COL5A1: variants seen among roughly 807,000 people sequenced by gnomAD.
The protein encoded by COL5A1 is collagen alpha-1(V) chain.
Under a neutral mutation model 263.7 loss-of-function variants are expected in COL5A1, and 16 were observed. The observed-to-expected ratio is 0.06, with a 90% CI of 0.04 to 0.09. The LOEUF (loss-of-function observed/expected upper bound fraction) is 0.09. Among genes scored for constraint, COL5A1 ranks in the 10% least tolerant of loss-of-function variants. The probability of loss-of-function intolerance (pLI) is 1.00; values close to 1 mark genes in which losing one functional copy is unlikely to be tolerated. For missense variants in COL5A1, 2,036 were observed against 2,540.5 expected (o/e 0.80, Z 4.27); for synonymous variants, 1,012 against 1,004.5 (o/e 1.01, Z -0.14).
In COL5A1 at chr9:134,825,863, G is replaced by A. The variant is rs368448060; in HGVS notation, c.5026G>A (p.Gly1676Arg). 32 of 1,610,672 alleles carry A rather than the reference G, an allele frequency of 2.0e-5. No homozygotes were observed. Among genetic ancestry groups the A allele is most frequent in the African/African-American group, 4.0e-5 (3 of 74,808 alleles). Reference protein sequence around the residue: ...SFKVYCNFTAGGSTCVFPDKK... With the variant: ...SFKVYCNFTARGSTCVFPDKK... ...CAAGGTTTACTGCAACTTCACAGCC[G>A]GGGGGTCGACATGCGTCTTCCCTGA... The change falls in exon 63 of 66, where the codon GGG (glycine) becomes AGG (arginine). Residue 1676 changes from glycine to arginine, a missense_variant. Physicochemically the swap from Gly to Arg is moderately radical, Grantham distance 125 (BLOSUM62 -2). Around this residue, in one of 3 missense-constraint regions of COL5A1, gnomAD observed 358 missense variants for 384.6 expected, o/e 0.93. Transcript: ENST00000371817.
intron 26 of COL5A1, 123 bp from the exon 27 acceptor site, chr9:134,774,736 C>A (rs940065958): frequency 2.9e-6 from 3 of 1,017,994 alleles, no homozygotes; most frequent in Admixed American, 2.0e-5. Flanking sequence ...TCTGGAGGCT[C>A]TGAGCTGGGA....
In COL5A1 at chr9:134,818,984, CT is replaced by C; in HGVS notation, c.4393-15del. 6.2e-7 allele frequency: 1 copy of C among 1,613,454 alleles called. No homozygotes were observed. Among genetic ancestry groups the C allele is most frequent in the Non-Finnish European group, 8.5e-7 (1 of 1,179,954 alleles). ...CCCAAGGATGAGGACTCTGATCCCC[CT>C]GCCTCCTCCCACAGGGTCCCCCAGG... On this transcript the variant is annotated splice_polypyrimidine_tract_variant and intron_variant, in intron 56 of 65. Coordinates refer to ENST00000371817, the MANE Select transcript of COL5A1 (RefSeq NM_000093.5). The surrounding 1 kb of genome is among the most constrained non-coding windows in gnomAD (Gnocchi z 6.0).
intron 65 of COL5A1, among the ~76,000 whole-genome samples, chr9:134,836,934 G>C (rs1839872337): frequency 6.6e-6 from 1 of 152,222 alleles, no homozygotes; most frequent in Non-Finnish European, 1.5e-5. Flanking sequence ...ACTCATCCCT[G>C]TGTAAGGTTG....
intron 38 of COL5A1, 72 bp downstream of exon 38, chr9:134,802,079 C>T (rs1004317608): frequency 3.1e-5 from 45 of 1,451,630 alleles, no homozygotes; most frequent in Middle Eastern, 1.7e-4. Flanking sequence ...GGTCCCAGCC[C>T]GGGCATCTGT....
At chr9:134,790,027 G>C (rs936764056) in intron 32 of COL5A1, among the ~76,000 whole-genome samples, 1 of 152,144 alleles carries the variant, frequency 6.6e-6, no homozygotes, top group African/African-American at 2.4e-5. Context: ...AGATGGCAGA[G>C]CTCACACCTG....
chr9:134,835,148 G>A lies in COL5A1; in HGVS notation c.5314G>A (p.Glu1772Lys), dbSNP rs759042440. 5.6e-6 allele frequency: 9 copies of A among 1,613,702 alleles called. No individual in the cohort carries two copies. The highest frequency in any genetic ancestry group is 1.7e-5 in the Admixed American group (1 of 60,000). ...KALRFLGSND[E>K]EMSYDNNPYI... is the part of the protein sequence containing the mutation. The stretch of plus-strand genomic sequence containing the variant: ...CCTCCGCTTCCTGGGCTCCAACGAC[G>A]AGGAGATGTCCTATGACAACAACCC... The change falls in exon 65 of 66, where the codon GAG becomes AAG. Residue 1772 changes from glutamate to lysine, a missense_variant. Transcript: ENST00000371817.
intron 1 of COL5A1, among the ~76,000 whole-genome samples, chr9:134,650,120 C>T (rs952726928): frequency 1.3e-5 from 2 of 152,136 alleles, no homozygotes; most frequent in Non-Finnish European, 2.9e-5. Flanking sequence ...ACCACCATGG[C>T]ATGTGTATAC....
chr9:134,818,587 A>C lies in COL5A1; in HGVS notation c.4231-69A>C, dbSNP rs530373389. Reference sequence around the variant, plus strand: ...CCAGAGGTGCCCAGGGTTTCCGAGCAGTGGTCCTGGGCCAGGGTGCCTGGA... The same window carrying C: ...CCAGAGGTGCCCAGGGTTTCCGAGCCGTGGTCCTGGGCCAGGGTGCCTGGA... On this transcript the variant is annotated intron_variant, in intron 54 of 65. Coordinates refer to ENST00000371817, the MANE Select transcript of COL5A1 (RefSeq NM_000093.5). This position sits in a 1 kb window ranked among gnomAD's most constrained non-coding sequence, Gnocchi z 6.0. The C allele has an allele frequency of 5.6e-4, 658 of 1,175,122 alleles. 11 individuals carry two copies. The South Asian group carries it at 6.2e-3, about 11-fold the overall frequency. 72.8% of individuals were successfully genotyped at this position (1,175,122 alleles called of 1,614,324 possible).
rs748039877 is a variant in COL5A1 at position 134,753,842 on chromosome 9, C to G, written c.1720-8C>G. On this transcript the variant is annotated splice_polypyrimidine_tract_variant and splice_region_variant and intron_variant, in intron 14 of 65. Transcript: ENST00000371817. ...GAGCAGACATTAACACACACCATGT[C>G]TCCCTAGGGTCCCCCTGGGAGCGGA... 1.9e-6 allele frequency: 3 copies of G among 1,566,874 alleles called. No homozygotes were observed. The highest frequency in any genetic ancestry group is 2.6e-6 in the Non-Finnish European group (3 of 1,151,482).
intron 1 of COL5A1, among the ~76,000 whole-genome samples, chr9:134,660,012 G>T (rs1832155182): frequency 6.6e-6 from 1 of 152,228 alleles, no homozygotes; most frequent in African/African-American, 2.4e-5. Context: ...GGCGCAGGCG[G>T]GCCAGGGGTA....
chr9:134,686,230 T>A lies in COL5A1; in HGVS notation c.110-4682T>A, dbSNP rs1833075384. 6.6e-6 allele frequency among the ~76,000 whole-genome samples: 1 copy of A among 152,086 alleles called. No individual in the cohort carries two copies. The highest frequency in any genetic ancestry group is 6.6e-5 in the Admixed American group (1 of 15,244). ...AATTATTCTCCTTCTTCCTTCCTCCTTCTCCTTCTCCTTTTTCTTCTTCTT... is the reference window on the plus strand; with the variant it reads ...AATTATTCTCCTTCTTCCTTCCTCCATCTCCTTCTCCTTTTTCTTCTTCTT... On this transcript the variant is annotated intron_variant, in intron 1 of 65. Transcript: ENST00000371817. This position sits in a 1 kb window ranked among gnomAD's most constrained non-coding sequence, Gnocchi z 4.6.
At chr9:134,771,448 G>C (rs936033231) in intron 25 of COL5A1, among the ~76,000 whole-genome samples, 4 of 152,190 alleles carry the variant, frequency 2.6e-5, no homozygotes, top group African/African-American at 7.2e-5. Flanking sequence ...GTGAGGTCCC[G>C]CAGGTGCCTG....
intron 28 of COL5A1, chr9:134,782,457 C>G: frequency 1.5e-6 from 1 of 662,846 alleles, no homozygotes; most frequent in Non-Finnish European, 2.7e-6. Flanking sequence ...GCAGCTCTCT[C>G]CAGCTTCAGA....
chr9:134,746,927 C>T (rs904254831), intron 11 of COL5A1, among the ~76,000 whole-genome samples: 5 of 152,196 alleles, frequency 3.3e-5, no homozygotes, highest in Non-Finnish European at 4.4e-5. Flanking sequence ...ATCGCTGGCC[C>T]GTGCTTTGTG....
intron 32 of COL5A1, among the ~76,000 whole-genome samples, chr9:134,791,508 C>A (rs1287070904): frequency 6.6e-6 from 1 of 151,842 alleles, no homozygotes; most frequent in Admixed American, 6.6e-5. Flanking sequence ...TGCTTTGTAC[C>A]AAGTTCGGGG....
rs750381860 is a variant in COL5A1, at chr9:134,728,734, A to G, written c.851A>G (p.Glu284Gly). The G allele has an allele frequency of 3.7e-6, 6 of 1,614,106 alleles. No homozygotes were observed. Among genetic ancestry groups the G allele is most frequent in the Non-Finnish European group, 3.4e-6 (4 of 1,180,044 alleles). ...YYEYPYYEDP[E>G]DLGKEPTPSK... ...GAATACCCCTACTACGAAGACCCCG[A>G]AGACCTAGGGAAGGAGCCCACCCCC... Residue 284 changes from glutamate to glycine, a missense_variant, in exon 6 of 66, where the codon GAA becomes GGA. Physicochemically the swap from Glu to Gly is moderately conservative, Grantham distance 98. Around this residue, in one of 3 missense-constraint regions of COL5A1, gnomAD observed 600 missense variants for 634.5 expected, o/e 0.95. Transcript: ENST00000371817.
intron 11 of COL5A1, among the ~76,000 whole-genome samples, chr9:134,747,435 A>T (rs1281335550): frequency 6.6e-6 from 1 of 152,192 alleles, no homozygotes; most frequent in East Asian, 1.9e-4. Flanking sequence ...GCACAGACAC[A>T]CATGCACACA....
chr9:134,724,788 C>T (rs1348439244), intron 4 of COL5A1, among the ~76,000 whole-genome samples: 5 of 152,180 alleles, frequency 3.3e-5, no homozygotes, highest in African/African-American at 9.7e-5. Context: ...TCACTAGACT[C>T]CTCCTGGCCC....
Position 134,830,001 on chromosome 9 carries a change from A to G in COL5A1, c.5093A>G (p.Glu1698Gly), listed in dbSNP as rs758677274. Residue 1698 changes from glutamate (E) to glycine (G), a missense_variant, in exon 64 of 66, where the codon GAA becomes GGA. Glu to Gly is a moderately conservative substitution (Grantham distance 98). Coordinates refer to ENST00000371817, the MANE Select transcript of COL5A1 (RefSeq NM_000093.5). Reference protein sequence around the residue: ...EGARITSWPKENPGSWFSEFK... With the variant: ...EGARITSWPKGNPGSWFSEFK... ...GCCAGAATCACTTCTTGGCCCAAAG[A>G]AAACCCGGGCTCCTGGTTCAGTGAA... The G allele has an allele frequency of 1.2e-6, 2 of 1,613,888 alleles. No homozygotes were observed. Among genetic ancestry groups the G allele is most frequent in the Non-Finnish European group, 1.7e-6 (2 of 1,179,950 alleles).
Sources: gnomAD v4.1 joint callset for allele counts (sites outside exome capture counted in the v4.1 genomes callset) on GRCh38, gnomAD v4.1.1 for gene constraint, gnomAD v4.1.1 regional missense constraint, Gnocchi (gnomAD v3.1) non-coding constraint, MANE v1.5 for transcripts, NCBI Gene and HGNC (gene_info 2026-07-23, HGNC 2026-07-21) for gene names.